LCORL: variants seen among roughly 807,000 people sequenced by gnomAD.
The protein encoded by LCORL is ligand dependent nuclear receptor corepressor like.
LCORL carries 41 observed loss-of-function variants against 141.8 expected under a neutral mutation model. That is an observed-to-expected ratio of 0.29 (90% CI 0.23 to 0.38). The LOEUF is 0.38. Ranked by LOEUF, LCORL falls within the 10% of genes least tolerant of loss-of-function variation. The pLI is 1.00. For missense variants in LCORL, 1,759 were observed against 2,035.0 expected (o/e 0.86, Z 2.61); for synonymous variants, 618 against 694.1 (o/e 0.89, Z 1.72).
At chr4:17,875,923 G>T in exon 7 of LCORL, 2 of 1,231,174 alleles carry the variant, frequency 1.6e-6, no homozygotes, top group South Asian at 8.2e-5. Flanking sequence ...GTATCATAAT[G>T]ACTGGAGTGA....
intron 7 of LCORL, among the ~76,000 whole-genome samples, chr4:17,863,193 G>A (rs900445041): frequency 6.6e-6 from 1 of 152,188 alleles, no homozygotes; most frequent in African/African-American, 2.4e-5. Flanking sequence ...GTGGGTGCCT[G>A]TAATCCCAGC....
intron 6 of LCORL, chr4:17,882,309 C>G (rs1727679495): frequency 2.0e-6 from 2 of 984,436 alleles, no homozygotes; most frequent in Admixed American, 6.2e-5. Flanking sequence ...TGAATTTTAA[C>G]AGAGAAAGGG....
At chr4:17,885,358 A>T (rs940091019) in intron 6 of LCORL, among the ~76,000 whole-genome samples, 46 of 150,942 alleles carry the variant, frequency 3.0e-4, no homozygotes, top group African/African-American at 1.1e-3. Context: ...TGTAATTTTC[A>T]AAGTTTCTCA....
intron 1 of LCORL, among the ~76,000 whole-genome samples, chr4:17,974,549 C>T (rs1186461997): frequency 6.6e-6 from 1 of 152,078 alleles, no homozygotes; most frequent in Admixed American, 6.6e-5. Flanking sequence ...CCCTTGTGCC[C>T]TTCTGAGTAA....
At chr4:17,869,286 T>C (rs532692294) in intron 7 of LCORL, among the ~76,000 whole-genome samples, 5 of 152,118 alleles carry the variant, frequency 3.3e-5, no homozygotes, top group Middle Eastern at 3.2e-3. Flanking sequence ...CTTTGTATAT[T>C]CTCTCCATTC....
exon 7 of LCORL, chr4:17,877,452 T>C: frequency 4.1e-6 from 5 of 1,228,908 alleles, no homozygotes; most frequent in African/African-American, 1.6e-5. Flanking sequence ...AGTAGAATTA[T>C]TGCTGTCATT....
chr4:17,925,478 A>C (rs1414206445), intron 4 of LCORL, among the ~76,000 whole-genome samples: 1 of 152,176 alleles, frequency 6.6e-6, no homozygotes, highest in East Asian at 1.9e-4. Flanking sequence ...AAGGGGATAC[A>C]GAAGGGGTAG....
chr4:17,899,255 T>C (rs1415725804), intron 5 of LCORL, among the ~76,000 whole-genome samples: 1 of 152,188 alleles, frequency 6.6e-6, no homozygotes, highest in Non-Finnish European at 1.5e-5. Context: ...CTTTCTTCTG[T>C]GTCATGAAGA....
intron 4 of LCORL, among the ~76,000 whole-genome samples, chr4:17,938,604 T>C (rs71603392): frequency 0.24 from 36,735 of 151,182 alleles, 5,801 homozygotes; most frequent in African/African-American, 0.45. Context: ...TTAGTAGAGA[T>C]GGGGTTTCTC....
At chr4:17,963,735 T>G (rs1240422128) in intron 2 of LCORL, among the ~76,000 whole-genome samples, 2 of 151,976 alleles carry the variant, frequency 1.3e-5, no homozygotes, top group Non-Finnish European at 2.9e-5. Flanking sequence ...CTGAATTTTA[T>G]GAAGGCATAA....
chr4:17,985,769 T>C (rs1312533215), intron 1 of LCORL, among the ~76,000 whole-genome samples: 1 of 152,198 alleles, frequency 6.6e-6, no homozygotes, highest in Non-Finnish European at 1.5e-5. Flanking sequence ...ACATTCAACA[T>C]TAGTATTGAT....
chr4:17,959,486 T>C (rs1713355935), intron 4 of LCORL, among the ~76,000 whole-genome samples: 14 of 152,020 alleles, frequency 9.2e-5, no homozygotes, highest in Admixed American at 9.2e-4. Context: ...CCTCTTAATA[T>C]TGTTTTGGCA....
intron 1 of LCORL, among the ~76,000 whole-genome samples, chr4:18,001,431 CT>C (rs1293602120): frequency 2.2e-4 from 33 of 152,246 alleles, no homozygotes; most frequent in African/African-American, 7.5e-4. Flanking sequence ...CTATGCTGAG[CT>C]TTCTAAGCCA....
chr4:17,901,517 A>T (rs1730880616), intron 5 of LCORL, among the ~76,000 whole-genome samples: 2 of 152,130 alleles, frequency 1.3e-5, no homozygotes, highest in South Asian at 4.1e-4. Flanking sequence ...CATGTATGTA[A>T]TTCTCAACAA....
At chr4:17,939,643 T>A in intron 4 of LCORL, among the ~76,000 whole-genome samples, 1 of 152,066 alleles carries the variant, frequency 6.6e-6, no homozygotes, top group East Asian at 1.9e-4. Context: ...TAGGAAAGTG[T>A]CAATGGCACT....
chr4:17,866,992 A>T (rs1022785461), intron 7 of LCORL: 2 of 985,200 alleles, frequency 2.0e-6, no homozygotes, highest in Admixed American at 1.2e-4. Flanking sequence ...GTGACCCTTG[A>T]ACTTACCTCA....
chr4:17,935,351 C>T lies in LCORL; in HGVS notation c.431-26006G>A, dbSNP rs532787303. ...ACATATATTTCCATGAAAAAAAATA[C>T]TACTCATGAGTTCCAAATGAATTAA... On this transcript the variant is annotated intron_variant, in intron 4 of 7. Coordinates refer to ENST00000635767, the Ensembl canonical transcript of LCORL. 4.6e-5 allele frequency among the ~76,000 whole-genome samples: 7 copies of T among 152,234 alleles called. No homozygotes were observed. The South Asian group carries it at 1.5e-3, about 32-fold the overall frequency.
At chr4:17,903,185 T>G (rs773765559) in intron 5 of LCORL, among the ~76,000 whole-genome samples, 4 of 151,938 alleles carry the variant, frequency 2.6e-5, no homozygotes, top group Non-Finnish European at 2.9e-5. Flanking sequence ...TACCAAGCAG[T>G]GGAGACACAA....
At chr4:18,004,940 T>C (rs953760785) in intron 1 of LCORL, among the ~76,000 whole-genome samples, 12 of 151,864 alleles carry the variant, frequency 7.9e-5, no homozygotes, top group African/African-American at 1.9e-4. Flanking sequence ...TTTTTTTTTT[T>C]AGATGGAGTT....
Sources: allele counts gnomAD v4.1 joint callset (sites outside exome capture counted in the v4.1 genomes callset), GRCh38; gene constraint gnomAD v4.1.1; transcripts MANE v1.5; gene names NCBI Gene and HGNC (gene_info 2026-07-23, HGNC 2026-07-21).